Variants in KLC1 observed in about 807,000 individuals in gnomAD.
KLC1 encodes the protein kinesin light chain 1, also known as kinesin 2 60/70kDa.
Under a neutral mutation model 84.2 loss-of-function variants are expected in KLC1, and 30 were observed. The observed-to-expected ratio is 0.36, with a 90% CI of 0.27 to 0.48. The LOEUF is 0.48. Ranked by LOEUF, KLC1 falls within the 20% of genes least tolerant of loss-of-function variation. The pLI is 0.99. For missense variants in KLC1, 499 were observed against 805.4 expected (o/e 0.62, Z 4.60); for synonymous variants, 289 against 293.3 (o/e 0.99, Z 0.15).
At chr14:103,637,316 A>AG (rs1402735393) in intron 1 of KLC1, among the ~76,000 whole-genome samples, 3 of 151,898 alleles carry the variant, frequency 2.0e-5, no homozygotes, top group African/African-American at 7.2e-5. Context: ...TGGATCATGA[A>AG]GTCAGGAGTT....
chr14:103,685,659 A>T, intron 13 of KLC1: 2 of 1,289,320 alleles, frequency 1.6e-6, no homozygotes, highest in South Asian at 2.5e-5. Context: ...CGTGACTCTC[A>T]CACTGTCTCC....
At chr14:103,669,656 T>C in intron 6 of KLC1, 58 bp downstream of exon 6, 1 of 1,175,086 alleles carries the variant, frequency 8.5e-7, no homozygotes, top group Non-Finnish European at 1.3e-6. Context: ...TATATTTCTT[T>C]TATCCAACTC....
chr14:103,629,933 G>T (rs955306247), intron 1 of KLC1, among the ~76,000 whole-genome samples: 1 of 152,162 alleles, frequency 6.6e-6, no homozygotes, highest in South Asian at 2.1e-4. Context: ...CGCGGCGGGC[G>T]GGGAGGCCGG....
chr14:103,695,636 C>T lies in KLC1; in HGVS notation c.1848+3211C>T, dbSNP rs79832564. ...AAAAAGGGCATTTAGAAGGAATAAA[C>T]ATAGGGCTGAATATGGAGTTGAATT... On this transcript the variant is annotated intron_variant, in intron 15 of 16. Coordinates refer to ENST00000334553, the MANE Select transcript of KLC1 (RefSeq NM_001394837.1). 12 of 985,402 alleles carry T rather than the reference C, an allele frequency of 1.2e-5. No homozygotes were observed. The East Asian group carries it at 1.2e-3, about 103-fold the overall frequency. 61.0% of individuals were successfully genotyped at this position (985,402 alleles called of 1,614,324 possible). A position where few individuals can be genotyped will look rare whatever the true frequency, so the allele number is the denominator to read the frequency against.
intron 15 of KLC1, chr14:103,697,173 A>G: frequency 1.0e-6 from 1 of 969,092 alleles, no homozygotes; most frequent in Non-Finnish European, 1.2e-6. Flanking sequence ...ACTTTTGCAG[A>G]AAGGCTGTTT....
rs368411349 is a variant in KLC1, at chr14:103,644,977, C to T, written c.-1-9587C>T. Among the ~76,000 whole-genome samples the T allele has an allele frequency of 6.5e-4, 98 of 151,500 alleles. 2 individuals are homozygous for T. Among genetic ancestry groups the T allele is most frequent in the African/African-American group, 2.1e-3 (88 of 41,306 alleles). ...TTTTCCTTTTCTTTTCTTTCTCTCTCTCTTTCTTTCTTTTTCTTTGAGTTT... is the reference window on the plus strand; with the variant it reads ...TTTTCCTTTTCTTTTCTTTCTCTCTTTCTTTCTTTCTTTTTCTTTGAGTTT... On this transcript the variant is annotated intron_variant, in intron 1 of 16. Coordinates refer to ENST00000334553, the MANE Select transcript of KLC1 (RefSeq NM_001394837.1).
In KLC1 at chr14:103,693,113, C is replaced by T. The variant is rs2082215348; in HGVS notation, c.1848+688C>T. ...AGCTGTTGGGACTTGGCAGTCCCTG[C>T]CCCTGTGCTGGTGCTGAGAGTTCGC... is the stretch of plus-strand genomic sequence containing the variant. On this transcript the variant is annotated intron_variant, in intron 15 of 16. Transcript: ENST00000334553. The surrounding 1 kb of genome is among the most constrained non-coding windows in gnomAD (Gnocchi z 5.1). Among the ~76,000 whole-genome samples the T allele has an allele frequency of 6.6e-6, 1 of 152,206 alleles. No individual in the cohort carries two copies. Among genetic ancestry groups the T allele is most frequent in the Non-Finnish European group, 1.5e-5 (1 of 68,046 alleles).
chr14:103,630,731 T>C (rs1209007067), intron 1 of KLC1, among the ~76,000 whole-genome samples: 3 of 152,214 alleles, frequency 2.0e-5, no homozygotes, highest in Non-Finnish European at 4.4e-5. Flanking sequence ...TTCCTAAATA[T>C]TTGTAGGAAT....
Position 103,701,541 on chromosome 14 carries a change from C to T in KLC1, c.*342C>T. The T allele has an allele frequency of 3.2e-6, 1 of 311,624 alleles. No individual in the cohort carries two copies. 19.3% of individuals were successfully genotyped at this position (311,624 alleles called of 1,614,324 possible). A position where few individuals can be genotyped will look rare whatever the true frequency, so the allele number is the denominator to read the frequency against. On this transcript the variant is annotated 3_prime_UTR_variant, in exon 17 of 17. Transcript: ENST00000334553. ...TTTTTTAAATTAAAAGTTTATATGC[C>T]TTATGCTTTACTTGAAAGTTTTTAT...
chr14:103,644,084 G>A lies in KLC1; in HGVS notation c.-1-10480G>A, dbSNP rs117803118. 4.9e-3 allele frequency among the ~76,000 whole-genome samples: 735 copies of A among 151,538 alleles called. 14 individuals carry two copies. Among genetic ancestry groups the A allele is most frequent in the Admixed American group, 0.039 (588 of 15,202 alleles). ...CAAAAAATTAGCTGGGTGTGGTTGC[G>A]GGCGCCTGTGGTCTCAGCTACCAGG... On this transcript the variant is annotated intron_variant, in intron 1 of 16. Transcript: ENST00000334553.
intron 15 of KLC1, chr14:103,695,745 A>G: frequency 1.0e-6 from 1 of 985,408 alleles, no homozygotes; most frequent in African/African-American, 1.7e-5. Flanking sequence ...ATGGGACTTT[A>G]GGGCCGAGGT....
chr14:103,685,103 A>G lies in KLC1; in HGVS notation c.1651-1978A>G, dbSNP rs989973028. On this transcript the variant is annotated intron_variant, in intron 13 of 16. Coordinates refer to ENST00000334553, the MANE Select transcript of KLC1 (RefSeq NM_001394837.1). ...CTTCTGTCGAGACGTCGGCTTTCCA[A>G]CCTGGCAGGACCCAGGACGCATTGC... 5 of 1,526,862 alleles carry G rather than the reference A, an allele frequency of 3.3e-6. No homozygotes were observed. The African/African-American group carries it at 4.2e-5, about 13-fold the overall frequency. 94.6% of individuals were successfully genotyped at this position (1,526,862 alleles called of 1,614,324 possible). A position where few individuals can be genotyped will look rare whatever the true frequency, so the allele number is the denominator to read the frequency against.
chr14:103,688,552 C>T (rs903173241), intron 14 of KLC1, among the ~76,000 whole-genome samples: 13 of 152,200 alleles, frequency 8.5e-5, no homozygotes, highest in Admixed American at 3.3e-4. Context: ...TTGCCATACA[C>T]GGCCAGGGTG....
At chr14:103,633,109 A>G (rs1318440483) in intron 1 of KLC1, among the ~76,000 whole-genome samples, 2 of 151,284 alleles carry the variant, frequency 1.3e-5, no homozygotes, top group Non-Finnish European at 2.9e-5. Context: ...CCAGGCTGGA[A>G]CGCAGTGGCA....
chr14:103,676,875 G>GAA (rs1434317075), intron 11 of KLC1, among the ~76,000 whole-genome samples: 1 of 151,982 alleles, frequency 6.6e-6, no homozygotes, highest in Non-Finnish European at 1.5e-5. Context: ...AAGAAAGAAA[G>GAA]AACACAGAAA....
rs191281642 is a variant in KLC1 at position 103,699,262 on chromosome 14, G to A, written c.1849-1393G>A. The A allele has an allele frequency of 2.3e-5, 36 of 1,540,352 alleles. 1 individual carries two copies. Among genetic ancestry groups the A allele is most frequent in the Middle Eastern group, 1.7e-4 (1 of 5,910 alleles). ...CACAGGCTGCTACCCGCAGGAGCCG[G>A]AGGCCACCTCACTGCCACCCGCCCC... On this transcript the variant is annotated intron_variant, in intron 15 of 16. Coordinates refer to ENST00000334553, the MANE Select transcript of KLC1 (RefSeq NM_001394837.1).
At chr14:103,636,278 G>C (rs1352731435) in intron 1 of KLC1, among the ~76,000 whole-genome samples, 4 of 152,060 alleles carry the variant, frequency 2.6e-5, no homozygotes, top group Admixed American at 1.3e-4. Flanking sequence ...CTGGAGTGCA[G>C]TGGCACGATC....
chr14:103,668,902 C>T lies in KLC1; in HGVS notation c.798-609C>T, dbSNP rs138422004. 5.0e-4 allele frequency among the ~76,000 whole-genome samples: 76 copies of T among 151,978 alleles called. 1 individual carries two copies. In the East Asian group the frequency reaches 0.014, roughly 28 times the overall value. ...ACGCCATTCTCCTGCCTCAGCCTCC[C>T]GAGTAGCTGGGACTAAAGCCGCCTG... On this transcript the variant is annotated intron_variant, in intron 5 of 16. Coordinates refer to ENST00000334553, the MANE Select transcript of KLC1 (RefSeq NM_001394837.1).
chr14:103,696,508 CTG>C (rs1329722266), intron 15 of KLC1: 1 of 985,300 alleles, frequency 1.0e-6, no homozygotes, highest in East Asian at 1.1e-4. Flanking sequence ...ATTGTCATAA[CTG>C]TATGGAATTT....
Sources: allele counts gnomAD v4.1 joint callset (sites outside exome capture counted in the v4.1 genomes callset), GRCh38; gene constraint gnomAD v4.1.1; non-coding constraint Gnocchi (gnomAD v3.1); transcripts MANE v1.5; gene names NCBI Gene and HGNC (gene_info 2026-07-23, HGNC 2026-07-21).